Variants in ADA2 observed in about 807,000 individuals in gnomAD.
ADA2 encodes the protein adenosine deaminase CECR1.
In ADA2, 29 loss-of-function variants were observed where a neutral mutation model predicts 44.2. The observed-to-expected ratio is 0.66, with a 90% CI of 0.49 to 0.89. ADA2 has a LOEUF of 0.89. ADA2 is among the 40% of genes least tolerant of loss of function. ADA2 has a pLI of 0.00. For synonymous variants in ADA2, 215 were observed against 234.9 expected (o/e 0.92, Z 0.77); for missense variants, 637 against 644.8 (o/e 0.99, Z 0.13).
chr22:17,215,159 G>GAAAGAATAACAAAGGCAGA (rs1432622114), intron 1 of ADA2, among the ~76,000 whole-genome samples: 4 of 152,204 alleles, frequency 2.6e-5, no homozygotes, highest in Non-Finnish European at 4.4e-5. Context: ...CATACATACT[G>GAAAGAATAACAAAGGCAGA]AAAGAATAAC....
chr22:17,191,920 C>T (rs1279011519), intron 4 of ADA2, 110 bp from the exon 5 acceptor site: 1 of 1,129,656 alleles, frequency 8.9e-7, no homozygotes, highest in African/African-American at 1.6e-5. Context: ...GCCCAACCAC[C>T]CCCTTCCCAG....
At chr22:17,201,943 A>C (rs2062292101) in intron 4 of ADA2, among the ~76,000 whole-genome samples, 1 of 150,458 alleles carries the variant, frequency 6.6e-6, no homozygotes, top group East Asian at 1.9e-4. Context: ...TCCTTCCTTA[A>C]AATCAAATTT....
chr22:17,215,909 G>C (rs1393318219), intron 1 of ADA2, among the ~76,000 whole-genome samples: 1 of 152,086 alleles, frequency 6.6e-6, no homozygotes, highest in Non-Finnish European at 1.5e-5. Flanking sequence ...AGACTGGCCT[G>C]GGCAACAAAG....
At chr22:17,219,712 T>C (rs1413961164), upstream of ADA2, 1 of 148,398 alleles carries the variant, frequency 6.7e-6, no homozygotes, top group East Asian at 2.0e-4. Flanking sequence ...TTCACTCTTG[T>C]TGCCCAAGCT....
At chr22:17,199,419 T>TCCCTCCCCTCCCCTATCCTCTTCCCCC in intron 4 of ADA2, 1 of 927,946 alleles carries the variant, frequency 1.1e-6, no homozygotes, top group Non-Finnish European at 1.8e-6. Context: ...CAGCGTCTCC[T>TCCCTCCCCTCCCCTATCCTCTTCCCCC]CCCTCCCCTC....
chr22:17,216,538 A>T (rs5747025), intron 1 of ADA2, among the ~76,000 whole-genome samples: 2 of 151,864 alleles, frequency 1.3e-5, no homozygotes, highest in Admixed American at 1.3e-4. Flanking sequence ...AGGCCGAGGC[A>T]GGTGGATCAC....
At chr22:17,207,334 C>T in intron 2 of ADA2, 44 bp from the exon 3 acceptor site, 8 of 1,403,444 alleles carry the variant, frequency 5.7e-6, no homozygotes, top group Non-Finnish European at 8.0e-6. Context: ...GGTGAAGTCC[C>T]ATCCCAGGAC....
chr22:17,182,577 G>A, intron 8 of ADA2, 27 bp downstream of exon 8: 6 of 1,611,922 alleles, frequency 3.7e-6, no homozygotes, highest in Non-Finnish European at 5.1e-6. Flanking sequence ...GAGATCATAT[G>A]GGATTAGCCA....
chr22:17,210,923 G>T (rs1162741821), intron 1 of ADA2, among the ~76,000 whole-genome samples: 1 of 152,040 alleles, frequency 6.6e-6, no homozygotes, highest in Admixed American at 6.6e-5. Flanking sequence ...GCATGCCTGT[G>T]GTCCCAGCTA....
intron 4 of ADA2, chr22:17,199,585 T>A: frequency 6.2e-7 from 1 of 1,613,870 alleles, no homozygotes; most frequent in Non-Finnish European, 8.5e-7. Context: ...CCATCTCCCC[T>A]CCGGAAAAAG....
chr22:17,195,505 G>A (rs1037711106), intron 4 of ADA2, among the ~76,000 whole-genome samples: 6 of 151,308 alleles, frequency 4.0e-5, no homozygotes, highest in Non-Finnish European at 5.9e-5. Context: ...CTCCAGCCTG[G>A]GCGACAGAGC....
In ADA2 at chr22:17,181,884, T is replaced by C. The variant is rs1384535731; in HGVS notation, c.1378A>G (p.Met460Val). 6.2e-7 allele frequency: 1 copy of C among 1,614,150 alleles called. No homozygotes were observed. The highest frequency in any genetic ancestry group is 8.5e-7 in the Non-Finnish European group (1 of 1,180,016). The part of the protein sequence containing the change: ...GLSYDFYEVF[M>V]GIGGMKADLR... ...TCAGCCTTCATCCCCCCAATGCCCA[T>C]GAAGACCTCATAGAAATCATAGGAC... The change falls in exon 9 of 10, where the codon ATG becomes GTG. Residue 460 changes from methionine to valine, a missense_variant. Coordinates refer to ENST00000399837, the MANE Select transcript of ADA2 (RefSeq NM_001282225.2).
At chr22:17,220,727 C>G (rs1203419603), upstream of ADA2, among the ~76,000 whole-genome samples, 2 of 152,108 alleles carry the variant, frequency 1.3e-5, no homozygotes, top group East Asian at 3.9e-4. Context: ...CCCCAAAAGC[C>G]CACGGCAGTT....
chr22:17,216,228 A>G (rs1348322246), intron 1 of ADA2, among the ~76,000 whole-genome samples: 2 of 151,974 alleles, frequency 1.3e-5, no homozygotes, highest in Non-Finnish European at 2.9e-5. Context: ...ATCCATGTGT[A>G]GTGGTACACA....
chr22:17,193,395 G>A (rs904919913), intron 4 of ADA2: 16 of 414,858 alleles, frequency 3.9e-5, no homozygotes, highest in East Asian at 9.7e-5. Context: ...AGGACAGCGC[G>A]GTGGCTCACG....
intron 3 of ADA2, 92 bp downstream of exon 3, chr22:17,206,979 A>G: frequency 1.0e-6 from 1 of 968,978 alleles, no homozygotes; most frequent in Admixed American, 2.2e-5. Flanking sequence ...TTAAAGCCAG[A>G]TTTTTATCTA....
intron 5 of ADA2, among the ~76,000 whole-genome samples, chr22:17,190,271 C>A (rs2062098852): frequency 1.3e-5 from 2 of 152,206 alleles, no homozygotes; most frequent in Non-Finnish European, 2.9e-5. Context: ...CACCTGTAGT[C>A]TCTGAAAAGT....
chr22:17,183,715 GC>G (rs1162117276), intron 7 of ADA2, among the ~76,000 whole-genome samples: 2 of 151,820 alleles, frequency 1.3e-5, no homozygotes, highest in African/African-American at 4.8e-5. Flanking sequence ...ACCCGCCTAG[GC>G]CTCCCAAAGT....
intron 1 of ADA2, among the ~76,000 whole-genome samples, chr22:17,210,277 G>A (rs1303014148): frequency 4.1e-5 from 6 of 144,712 alleles, no homozygotes; most frequent in African/African-American, 7.7e-5. Flanking sequence ...TGCAACCTCC[G>A]CCTCCCGGGT....
Sources: gnomAD v4.1 joint callset for allele counts (sites outside exome capture counted in the v4.1 genomes callset) on GRCh38, gnomAD v4.1.1 for gene constraint, MANE v1.5 for transcripts, NCBI Gene and HGNC (gene_info 2026-07-23, HGNC 2026-07-21) for gene names.